The following EXOC6B variants were observed in gnomAD, a reference collection of about 807,000 sequenced individuals.
The protein encoded by EXOC6B is exocyst complex component 6B, also known as SEC15 homolog B.
Under a neutral mutation model 113.5 loss-of-function variants are expected in EXOC6B, and 54 were observed. That is an observed-to-expected ratio of 0.48 (90% CI 0.38 to 0.60). The LOEUF (loss-of-function observed/expected upper bound fraction) is 0.60, where lower values mean the gene tolerates loss of function less well. Among genes scored for constraint, EXOC6B ranks in the 20% least tolerant of loss-of-function variants. The pLI is 0.00. For synonymous variants in EXOC6B, 357 were observed against 339.0 expected (o/e 1.05, Z -0.58); for missense variants, 797 against 977.5 (o/e 0.82, Z 2.46).
intron 20 of EXOC6B, among the ~76,000 whole-genome samples, chr2:72,213,806 C>T (rs1680338920): frequency 6.6e-6 from 1 of 152,134 alleles, no homozygotes; most frequent in South Asian, 2.1e-4. Context: ...CATGCGAGGA[C>T]ACAGCAAGAA....
At chr2:72,280,373 A>T (rs10168145) in intron 20 of EXOC6B, among the ~76,000 whole-genome samples, 3 of 151,800 alleles carry the variant, frequency 2.0e-5, no homozygotes, top group Non-Finnish European at 2.9e-5. Context: ...GAAAATGTCA[A>T]GATAACACAG....
At chr2:72,476,244 G>T (rs113454616) in intron 17 of EXOC6B, among the ~76,000 whole-genome samples, 1 of 152,138 alleles carries the variant, frequency 6.6e-6, no homozygotes, top group Non-Finnish European at 1.5e-5. Flanking sequence ...CCCTTTCCTC[G>T]TATTAAGGAG....
intron 18 of EXOC6B, among the ~76,000 whole-genome samples, chr2:72,407,409 C>CA (rs995035621): frequency 5.9e-4 from 90 of 152,088 alleles, no homozygotes; most frequent in African/African-American, 2.0e-3. Flanking sequence ...AGAGACATAA[C>CA]AAAAAAAGAG....
intron 1 of EXOC6B, among the ~76,000 whole-genome samples, chr2:72,810,673 T>G (rs1685854676): frequency 6.6e-6 from 1 of 152,042 alleles, no homozygotes; most frequent in South Asian, 2.1e-4. Context: ...TTTGGTTTTT[T>G]GAAACCATAA....
chr2:72,685,370 G>A (rs1002486644), intron 6 of EXOC6B, among the ~76,000 whole-genome samples: 4 of 152,098 alleles, frequency 2.6e-5, no homozygotes, highest in African/African-American at 9.7e-5. Flanking sequence ...GTAGGCAGGC[G>A]TATTCTGTGT....
At chr2:72,268,719 C>G (rs1684292107) in intron 20 of EXOC6B, among the ~76,000 whole-genome samples, 1 of 152,018 alleles carries the variant, frequency 6.6e-6, no homozygotes, top group Non-Finnish European at 1.5e-5. Flanking sequence ...TGAGTGAGTT[C>G]TCACTCAGAG....
rs1052225198 is a variant in EXOC6B at position 72,563,040 on chromosome 2, G to A, written c.847-3519C>T. Among the ~76,000 whole-genome samples the A allele has an allele frequency of 2.6e-5, 4 of 152,130 alleles. No homozygotes were observed. In the East Asian group the frequency reaches 5.8e-4, roughly 22 times the overall value. On this transcript the variant is annotated intron_variant, in intron 7 of 21. Transcript: ENST00000272427. ...TGCCAGTTCAAACCTTTTTCCAGAGGATCAAATAGTAGGTAAGATTTTACA... is the reference window on the plus strand; with the variant it reads ...TGCCAGTTCAAACCTTTTTCCAGAGAATCAAATAGTAGGTAAGATTTTACA...
At chr2:72,585,995 G>T (rs571194485) in intron 6 of EXOC6B, among the ~76,000 whole-genome samples, 24 of 152,182 alleles carry the variant, frequency 1.6e-4, no homozygotes, top group Non-Finnish European at 3.1e-4. Context: ...ATAAGCAATG[G>T]GAAAAGGAGT....
intron 18 of EXOC6B, among the ~76,000 whole-genome samples, chr2:72,401,636 TACATATATAC>T (rs1558631351): frequency 2.8e-4 from 13 of 47,022 alleles, no homozygotes; most frequent in African/African-American, 2.0e-3. Context: ...TATATATATA[TACATATATAC>T]ATATATATAT....
intron 20 of EXOC6B, among the ~76,000 whole-genome samples, chr2:72,247,966 A>C (rs1300793234): frequency 1.3e-5 from 2 of 152,176 alleles, no homozygotes; most frequent in Non-Finnish European, 2.9e-5. Flanking sequence ...TGGGAGATAG[A>C]CTAGCTGTCC....
At chr2:72,469,940 TAGTA>T (rs1360778226) in intron 17 of EXOC6B, among the ~76,000 whole-genome samples, 2 of 152,170 alleles carry the variant, frequency 1.3e-5, no homozygotes, top group Non-Finnish European at 1.5e-5. Context: ...TCTTCTAAAG[TAGTA>T]AGTAACTTTG....
chr2:72,458,000 C>T (rs1036185282), intron 18 of EXOC6B, among the ~76,000 whole-genome samples: 1 of 152,048 alleles, frequency 6.6e-6, no homozygotes, highest in Non-Finnish European at 1.5e-5. Context: ...TGACGTATTC[C>T]GTTGGCTATG....
intron 6 of EXOC6B, among the ~76,000 whole-genome samples, chr2:72,699,531 C>G (rs1395305929): frequency 6.6e-6 from 1 of 150,984 alleles, no homozygotes; most frequent in Admixed American, 6.6e-5. Flanking sequence ...CATTAGGCCA[C>G]AGACTTCTTC....
intron 7 of EXOC6B, among the ~76,000 whole-genome samples, chr2:72,570,682 A>G (rs1304664352): frequency 6.6e-6 from 1 of 152,236 alleles, no homozygotes; most frequent in Non-Finnish European, 1.5e-5. Flanking sequence ...ATGTGGTATC[A>G]ATGAAGTATT....
chr2:72,771,981 C>G (rs1363239398), intron 1 of EXOC6B, among the ~76,000 whole-genome samples: 3 of 152,084 alleles, frequency 2.0e-5, no homozygotes, highest in African/African-American at 7.2e-5. Flanking sequence ...ACAGAAACAT[C>G]AGTTTGAACA....
chr2:72,607,754 T>C (rs1279441485), intron 6 of EXOC6B, among the ~76,000 whole-genome samples: 1 of 152,162 alleles, frequency 6.6e-6, no homozygotes, highest in Admixed American at 6.5e-5. Flanking sequence ...AATTTTCTAA[T>C]ATTCTGTAAA....
chr2:72,521,669 A>C (rs959831032), intron 8 of EXOC6B, among the ~76,000 whole-genome samples: 1 of 152,176 alleles, frequency 6.6e-6, no homozygotes, highest in Non-Finnish European at 1.5e-5. Context: ...AGAGTTAAGA[A>C]AGACAGACAT....
At chr2:72,768,448 C>A (rs1683227271) in intron 1 of EXOC6B, among the ~76,000 whole-genome samples, 1 of 151,748 alleles carries the variant, frequency 6.6e-6, no homozygotes, top group Non-Finnish European at 1.5e-5. Flanking sequence ...TGCGCTACCA[C>A]CCCCGGCTAA....
At chr2:72,476,594 T>C (rs1186440803) in intron 17 of EXOC6B, among the ~76,000 whole-genome samples, 1 of 152,178 alleles carries the variant, frequency 6.6e-6, no homozygotes, top group Admixed American at 6.5e-5. Context: ...GTGATTGATG[T>C]TGTTATTTCT....
Sources: allele counts gnomAD v4.1 joint callset (sites outside exome capture counted in the v4.1 genomes callset), GRCh38; gene constraint gnomAD v4.1.1; transcripts MANE v1.5; gene names NCBI Gene and HGNC (gene_info 2026-07-23, HGNC 2026-07-21).